SEC16A: variants seen among roughly 807,000 people sequenced by gnomAD.
The protein encoded by SEC16A is protein transport protein Sec16A.
SEC16A carries 110 observed loss-of-function variants against 221.9 expected under a neutral mutation model. The ratio of observed to expected loss-of-function variants is 0.50; its 90% CI spans 0.42 to 0.58. The LOEUF (loss-of-function observed/expected upper bound fraction) is 0.58, where lower values mean the gene tolerates loss of function less well. Among genes scored for constraint, SEC16A ranks in the 20% least tolerant of loss-of-function variants. SEC16A has a pLI of 0.00. For synonymous variants in SEC16A, 1,393 were observed against 1,257.7 expected, an observed-to-expected ratio of 1.11 and a Z score of -2.28; for missense variants, 3,165 against 3,097.8, an observed-to-expected ratio of 1.02 and a Z score of -0.52.
chr9:136,444,125 G>A (rs909093996), intron 30 of SEC16A: 12 of 430,784 alleles, frequency 2.8e-5, no homozygotes, highest in Non-Finnish European at 4.2e-5. Context: ...TTAAGCACCG[G>A]AACATGCAAT....
Position 136,477,345 on chromosome 9 carries a change from C to CG in SEC16A, c.270dup (p.Gly91ArgfsTer12), listed in dbSNP as rs1841779071. ...GCATGTGTGTGAGGAACAAGCAAACCGGGGTGCTGAGAAAACCCTGCGGGG... is the reference window on the plus strand; with the variant it reads ...GCATGTGTGTGAGGAACAAGCAAACCGGGGGTGCTGAGAAAACCCTGCGGGG... On this transcript the variant is annotated frameshift_variant, in exon 3 of 32. Transcript: ENST00000684901. LOFTEE classifies it high-confidence loss of function. The CG allele has an allele frequency of 6.2e-7, 1 of 1,613,804 alleles. No individual in the cohort carries two copies. The highest frequency in any genetic ancestry group is 8.5e-7 in the Non-Finnish European group (1 of 1,179,888).
chr9:136,462,860 G>C (rs1237623297), intron 12 of SEC16A, 27 bp downstream of exon 12: 1 of 1,594,724 alleles, frequency 6.3e-7, no homozygotes, highest in East Asian at 2.2e-5. Flanking sequence ...ATGTGCAGGC[G>C]CCAGGTGCCA....
chr9:136,465,864 A>G, intron 8 of SEC16A, 98 bp downstream of exon 8: 1 of 1,290,480 alleles, frequency 7.7e-7, no homozygotes, highest in Admixed American at 2.3e-5. Flanking sequence ...AGGACATCAC[A>G]ATTCCAATCC....
At chr9:136,482,103 G>A (rs1382393454) in intron 1 of SEC16A, among the ~76,000 whole-genome samples, 1 of 152,212 alleles carries the variant, frequency 6.6e-6, no homozygotes, top group Non-Finnish European at 1.5e-5. Context: ...GAACAAGAAA[G>A]ACACGCTATT....
In SEC16A at chr9:136,474,403, T is replaced by C. The variant is rs779566435; in HGVS notation, c.3213A>G (p.Pro1071=). The change falls in exon 3 of 32, where the codon CCA becomes CCG. Residue 1071 remains proline (P), a synonymous_variant. Transcript: ENST00000684901. ...CCGAAAACATGGCTTTGGGTAGTTG[T>C]GGGGGAGAAGCCTGTTGCTGGGGTG... The part of the protein sequence containing the change: ...LVPPQQQASP[P]QLPKAMFSEL... 1.9e-6 allele frequency: 3 copies of C among 1,612,744 alleles called. No homozygotes were observed. In the South Asian group the frequency reaches 3.3e-5, roughly 18 times the overall value.
intron 23 of SEC16A, among the ~76,000 whole-genome samples, chr9:136,450,477 G>A (rs1011689276): frequency 6.8e-6 from 1 of 147,942 alleles, no homozygotes; most frequent in Non-Finnish European, 1.5e-5. Context: ...CCATCTTTAT[G>A]GGGGAAAAAA....
intron 3 of SEC16A, among the ~76,000 whole-genome samples, chr9:136,473,309 G>A (rs1000313458): frequency 6.6e-5 from 10 of 152,234 alleles, no homozygotes; most frequent in Admixed American, 4.6e-4. Context: ...ACACTGAATC[G>A]GTGAACCCAA....
At chr9:136,468,182 A>G (rs1040081464) in intron 5 of SEC16A, among the ~76,000 whole-genome samples, 7 of 152,266 alleles carry the variant, frequency 4.6e-5, no homozygotes, top group Non-Finnish European at 7.3e-5. Context: ...ACAAAGATGC[A>G]CTCATGCTAA....
At chr9:136,461,489 T>C (rs1839473173) in intron 12 of SEC16A, among the ~76,000 whole-genome samples, 1 of 152,216 alleles carries the variant, frequency 6.6e-6, no homozygotes, top group South Asian at 2.1e-4. Flanking sequence ...TTTGTAGATA[T>C]TTGCTGCTTT....
At chr9:136,479,704 T>G (rs1357312784) in intron 1 of SEC16A, among the ~76,000 whole-genome samples, 2 of 152,128 alleles carry the variant, frequency 1.3e-5, no homozygotes, top group Non-Finnish European at 2.9e-5. Context: ...GAAATCTTTC[T>G]GATATTCAGA....
chr9:136,459,929 A>G lies in SEC16A; in HGVS notation c.5074-55T>C. On this transcript the variant is annotated intron_variant, in intron 14 of 31. Coordinates refer to ENST00000684901, the MANE Select transcript of SEC16A (RefSeq NM_014866.2). This position sits in a 1 kb window ranked among gnomAD's most constrained non-coding sequence, Gnocchi z 6.1. ...CATCCCCGGAAGCCAGCGCCATTTC[A>G]ATTCCACACAGCTGGGCTCACCAGG... 2 of 1,557,100 alleles carry G rather than the reference A, an allele frequency of 1.3e-6. No homozygotes were observed. Among genetic ancestry groups the G allele is most frequent in the East Asian group, 2.3e-5 (1 of 42,948 alleles).
upstream of SEC16A, chr9:136,483,419 T>C: frequency 1.6e-5 from 11 of 682,912 alleles, no homozygotes; most frequent in Non-Finnish European, 1.9e-5. Context: ...CTCCGCCTCA[T>C]CCTGTCGTTC....
At chr9:136,472,254 C>G (rs998614882) in intron 3 of SEC16A, 143 bp from the exon 4 acceptor site, 1 of 935,376 alleles carries the variant, frequency 1.1e-6, no homozygotes, top group Non-Finnish European at 1.6e-6. Context: ...CCAGCCTGAG[C>G]TAGAAACATC....
At position 136,466,970 on chromosome 9, in the gene SEC16A, C is replaced by G. The variant is rs1337454926; in HGVS notation, c.3916G>C (p.Ala1306Pro). 2 of 1,613,332 alleles carry G rather than the reference C, an allele frequency of 1.2e-6. No individual in the cohort carries two copies. Among genetic ancestry groups the G allele is most frequent in the Admixed American group, 1.7e-5 (1 of 59,942 alleles). Reference protein sequence around the residue: ...EYDAYRREHSAFGDRPEKRDN... With the variant: ...EYDAYRREHSPFGDRPEKRDN... ...TGCTCCACCAACCTGTCCCCGAAGG[C>G]AGAGTGCTCTCTCCTGTATGCGTCA... is the stretch of plus-strand genomic sequence containing the variant. The change falls in exon 6 of 32, where the codon GCC becomes CCC. Residue 1306 changes from alanine to proline, a missense_variant. Physicochemically the swap from Ala to Pro is conservative, Grantham distance 27. Around this residue, in one of 3 missense-constraint regions of SEC16A, gnomAD observed 2,030 missense variants for 1,923.1 expected, o/e 1.06. Coordinates refer to ENST00000684901, the MANE Select transcript of SEC16A (RefSeq NM_014866.2). The surrounding 1 kb of genome is among the most constrained non-coding windows in gnomAD (Gnocchi z 5.5).
chr9:136,453,383 G>C, intron 22 of SEC16A, 45 bp downstream of exon 22: 1 of 1,467,812 alleles, frequency 6.8e-7, no homozygotes, highest in African/African-American at 1.4e-5. Context: ...CCCACTCGAT[G>C]AACTTTATGG....
chr9:136,456,461 A>G (rs1251089478), intron 18 of SEC16A, among the ~76,000 whole-genome samples: 3 of 152,180 alleles, frequency 2.0e-5, no homozygotes, highest in Non-Finnish European at 2.9e-5. Flanking sequence ...CTGACTCAGC[A>G]AAAGCTGGAC....
chr9:136,480,444 T>G (rs1842176046), intron 1 of SEC16A, among the ~76,000 whole-genome samples: 1 of 152,206 alleles, frequency 6.6e-6, no homozygotes, highest in Admixed American at 6.5e-5. Context: ...AGTGTCCAGG[T>G]GAGTGGCTCG....
Position 136,477,092 on chromosome 9 carries a change from G to C in SEC16A, c.524C>G (p.Pro175Arg), listed in dbSNP as rs753596031. The C allele has an allele frequency of 1.2e-6, 2 of 1,613,746 alleles. No homozygotes were observed. Among genetic ancestry groups the C allele is most frequent in the African/African-American group, 2.7e-5 (2 of 74,918 alleles). ...GTCGAGCCCAGGCATGTTCCCATGA[G>C]GGTGGCCCCCATGAGACGTTTCAGG... ...VDPETSHGGH[P>R]HGNMPGLDRP... The change falls in exon 3 of 32, where the codon CCT becomes CGT. Residue 175 changes from proline (P) to arginine (R), a missense_variant. Around this residue, in one of 3 missense-constraint regions of SEC16A, gnomAD observed 2,030 missense variants for 1,923.1 expected, o/e 1.06. Transcript: ENST00000684901.
chr9:136,444,996 A>G, intron 30 of SEC16A, 56 bp downstream of exon 30: 1 of 1,521,932 alleles, frequency 6.6e-7, no homozygotes, highest in South Asian at 1.2e-5. Flanking sequence ...CGTGCTCAGG[A>G]ACACAGGCGG....
Sources: allele counts gnomAD v4.1 joint callset (sites outside exome capture counted in the v4.1 genomes callset), GRCh38; gene constraint gnomAD v4.1.1; regional missense constraint gnomAD v4.1.1; non-coding constraint Gnocchi (gnomAD v3.1); transcripts MANE v1.5; gene names NCBI Gene and HGNC (gene_info 2026-07-23, HGNC 2026-07-21).